GNAI1: variants seen among roughly 807,000 people sequenced by gnomAD.
GNAI1 encodes the protein G protein subunit alpha i1.
GNAI1 carries 11 observed loss-of-function variants against 38.9 expected under a neutral mutation model. That is an observed-to-expected ratio of 0.28 (90% CI 0.18 to 0.47). The LOEUF is 0.47. Ranked by LOEUF, GNAI1 falls within the 20% of genes least tolerant of loss-of-function variation. The pLI is 0.99. For synonymous variants in GNAI1, 166 were observed against 145.1 expected (o/e 1.14, Z -1.04); for missense variants, 317 against 436.9 (o/e 0.73, Z 2.45).
At chr7:80,162,488 G>A (rs180802577) in intron 1 of GNAI1, among the ~76,000 whole-genome samples, 10 of 152,288 alleles carry the variant, frequency 6.6e-5, no homozygotes, top group Admixed American at 3.9e-4. Flanking sequence ...TGTATGGCAA[G>A]GTTAATACAA....
rs185661538 is a variant in GNAI1, at chr7:80,174,848, C to A, written c.119-14103C>A. Among the ~76,000 whole-genome samples the A allele has an allele frequency of 3.9e-5, 6 of 152,240 alleles. No individual in the cohort carries two copies. In the East Asian group the frequency reaches 1.2e-3, roughly 29 times the overall value. On this transcript the variant is annotated intron_variant, in intron 1 of 7. Coordinates refer to ENST00000649796, the MANE Select transcript of GNAI1 (RefSeq NM_002069.6). ...CCCATGTCATTCAGGGATCCAAGTA[C>A]TAGTAGTCAGTCATTGATTCTTCAC...
intron 1 of GNAI1, among the ~76,000 whole-genome samples, chr7:80,186,035 T>C (rs1026655911): frequency 2.1e-5 from 3 of 141,572 alleles, no homozygotes; most frequent in African/African-American, 5.3e-5. Context: ...TTTTTTTTTT[T>C]TTTTTTTTTT....
intron 1 of GNAI1, among the ~76,000 whole-genome samples, chr7:80,188,461 T>C (rs186959547): frequency 1.9e-3 from 296 of 152,342 alleles, no homozygotes; most frequent in Non-Finnish European, 2.8e-3. Flanking sequence ...TTTAAGTATA[T>C]GAAATAATAG....
At chr7:80,200,334 A>T (rs1257560240) in intron 4 of GNAI1, among the ~76,000 whole-genome samples, 1 of 149,978 alleles carries the variant, frequency 6.7e-6, no homozygotes, top group Non-Finnish European at 1.5e-5. Context: ...CAAAAAAAAA[A>T]AAAAAAAAAA....
chr7:80,219,027 TTGTGTG>T lies in GNAI1; in HGVS notation c.*1562_*1567del, dbSNP rs57485323. 255 of 145,962 alleles carry T rather than the reference TTGTGTG, an allele frequency of 1.7e-3. No individual in the cohort carries two copies. The highest frequency in any genetic ancestry group is 7.4e-3 in the South Asian group (33 of 4,476). 9.0% of individuals were successfully genotyped at this position (145,962 alleles called of 1,614,324 possible). On this transcript the variant is annotated 3_prime_UTR_variant, in exon 8 of 8. Coordinates refer to ENST00000649796, the MANE Select transcript of GNAI1 (RefSeq NM_002069.6). ...GTGTTGTCACTGGGTTGAAGTATAT[TTGTGTG>T]TGTGTGTGTGTGTGTGTGTGTGTGT...
chr7:80,181,429 CA>C (rs1458924531), intron 1 of GNAI1, among the ~76,000 whole-genome samples: 21 of 152,274 alleles, frequency 1.4e-4, no homozygotes, highest in African/African-American at 5.1e-4. Flanking sequence ...TATCACTATA[CA>C]AATAAAAACA....
Position 80,220,185 on chromosome 7 carries a change from A to T in GNAI1, c.*2692A>T, listed in dbSNP as rs1375559661. Among the ~76,000 whole-genome samples the T allele has an allele frequency of 6.6e-6, 1 of 152,098 alleles. No individual in the cohort carries two copies. The highest frequency in any genetic ancestry group is 2.4e-5 in the African/African-American group (1 of 41,390). On this transcript the variant is annotated 3_prime_UTR_variant, in exon 8 of 8. Coordinates refer to ENST00000649796, the MANE Select transcript of GNAI1 (RefSeq NM_002069.6). ...TGAGGCCTGTTCCTTTCTACACTGT[A>T]TCCAAATAGTGTCCTGTGCATAACC...
intron 1 of GNAI1, among the ~76,000 whole-genome samples, chr7:80,183,089 A>G (rs562919591): frequency 7.5e-4 from 115 of 152,318 alleles, no homozygotes; most frequent in African/African-American, 2.7e-3. Flanking sequence ...TGAGAAAGAC[A>G]TTCCTGAGTC....
At chr7:80,164,929 G>A (rs6956322) in intron 1 of GNAI1, among the ~76,000 whole-genome samples, 10,128 of 150,338 alleles carry the variant, frequency 0.067, 1,138 homozygotes, top group African/African-American at 0.24. Flanking sequence ...TTGGAAAAAA[G>A]GATATATGAA....
Position 80,135,285 on chromosome 7 carries a change from G to A in GNAI1, c.118+7G>A, listed in dbSNP as rs144652330. The A allele has an allele frequency of 2.8e-6, 4 of 1,452,140 alleles. No homozygotes were observed. Among genetic ancestry groups the A allele is most frequent in the South Asian group, 2.9e-5 (2 of 69,866 alleles). The allele number at this position is 1,452,140 out of a possible 1,614,324, so 90.0% of individuals were successfully genotyped here. A position where few individuals can be genotyped will look rare whatever the true frequency, so the allele number is the denominator to read the frequency against. ...GTCAAGCTGCTGCTGCTCGGTAAGG[G>A]CGGCCGGGTCGGGGCCCGGGGGTCG... On this transcript the variant is annotated splice_region_variant and intron_variant, in intron 1 of 7. Transcript: ENST00000649796.
At chr7:80,184,236 GT>G (rs1265104872) in intron 1 of GNAI1, among the ~76,000 whole-genome samples, 2 of 152,150 alleles carry the variant, frequency 1.3e-5, no homozygotes, top group Non-Finnish European at 2.9e-5. Flanking sequence ...TTATTAAAAA[GT>G]TTTAGAGCAG....
At chr7:80,184,172 T>C (rs1788349262) in intron 1 of GNAI1, among the ~76,000 whole-genome samples, 1 of 152,124 alleles carries the variant, frequency 6.6e-6, no homozygotes. Flanking sequence ...GAAGAAAGAA[T>C]TCGGCCGAGG....
intron 1 of GNAI1, 107 bp from the exon 2 acceptor site, chr7:80,188,842 CAG>C (rs550218045): frequency 1.1e-5 from 8 of 733,138 alleles, no homozygotes; most frequent in East Asian, 2.7e-5. Flanking sequence ...GGTAGACACA[CAG>C]AGAGAGACTG....
intron 1 of GNAI1, among the ~76,000 whole-genome samples, chr7:80,137,955 T>C (rs1036658261): frequency 4.6e-5 from 7 of 152,228 alleles, no homozygotes; most frequent in African/African-American, 1.7e-4. Flanking sequence ...TGTGACCTTT[T>C]GGTTCTTTTT....
At chr7:80,184,085 G>T (rs1056923215) in intron 1 of GNAI1, among the ~76,000 whole-genome samples, 2 of 152,096 alleles carry the variant, frequency 1.3e-5, no homozygotes, top group Admixed American at 1.3e-4. Flanking sequence ...GTGGGCGGAG[G>T]GGGAGGACTC....
At position 80,223,788 on chromosome 7, in the gene GNAI1, A is replaced by AT. The variant is rs1789117545; in HGVS notation, c.*6295_*6296insT. The stretch of plus-strand genomic sequence containing the variant: ...TTCACAAGGCAATTTACCTGTAATA[A>AT]ATATAACTTTTTTGCAGACTTGAGC... On this transcript the variant is annotated 3_prime_UTR_variant, in exon 8 of 8. Coordinates refer to ENST00000649796, the MANE Select transcript of GNAI1 (RefSeq NM_002069.6). Among the ~76,000 whole-genome samples the AT allele has an allele frequency of 6.6e-6, 1 of 151,388 alleles. No individual in the cohort carries two copies. Among genetic ancestry groups the AT allele is most frequent in the Non-Finnish European group, 1.5e-5 (1 of 68,036 alleles).
chr7:80,199,148 C>T, intron 3 of GNAI1, 77 bp from the exon 4 acceptor site: 5 of 963,822 alleles, frequency 5.2e-6, no homozygotes, highest in Non-Finnish European at 6.0e-6. Context: ...TTTTTTTTAA[C>T]TCTAGAATTG....
chr7:80,183,794 T>G (rs2115611786), intron 1 of GNAI1, among the ~76,000 whole-genome samples: 1 of 152,258 alleles, frequency 6.6e-6, no homozygotes, highest in East Asian at 1.9e-4. Context: ...ATTACATAAC[T>G]CTCTTAAAGG....
chr7:80,172,917 A>G (rs951130744), intron 1 of GNAI1, among the ~76,000 whole-genome samples: 3 of 152,202 alleles, frequency 2.0e-5, no homozygotes, highest in African/African-American at 4.8e-5. Flanking sequence ...GAGTAGGTTT[A>G]TGGAGTGTGA....
Sources: gnomAD v4.1 joint callset for allele counts (sites outside exome capture counted in the v4.1 genomes callset) on GRCh38, gnomAD v4.1.1 for gene constraint, MANE v1.5 for transcripts, NCBI Gene and HGNC (gene_info 2026-07-23, HGNC 2026-07-21) for gene names.